The following ARHGEF28 variants were observed in gnomAD, a reference collection of about 807,000 sequenced individuals.
ARHGEF28 encodes 190 kDa guanine nucleotide exchange factor.
In ARHGEF28, 152 loss-of-function variants were observed where a neutral mutation model predicts 206.6. The observed-to-expected ratio is 0.74, with a 90% CI of 0.64 to 0.84. ARHGEF28 has a LOEUF of 0.84. Ranked by LOEUF, ARHGEF28 falls within the 40% of genes least tolerant of loss-of-function variation. The probability of loss-of-function intolerance (pLI) is 0.00; values close to 1 mark genes in which losing one functional copy is unlikely to be tolerated. For missense variants in ARHGEF28, 2,028 were observed against 2,073.2 expected (o/e 0.98, Z 0.42); for synonymous variants, 763 against 776.4 (o/e 0.98, Z 0.29).
intron 9 of ARHGEF28, among the ~76,000 whole-genome samples, chr5:73,821,454 C>T (rs976424179): frequency 6.6e-6 from 1 of 152,158 alleles, no homozygotes; most frequent in African/African-American, 2.4e-5. Context: ...GAGAATAGAG[C>T]TCCTCATGAA....
intron 2 of ARHGEF28, among the ~76,000 whole-genome samples, chr5:73,746,318 CA>C (rs769961694): frequency 6.6e-6 from 1 of 152,020 alleles, no homozygotes; most frequent in Non-Finnish European, 1.5e-5. Flanking sequence ...TGTGGAACAT[CA>C]AACACTTGGT....
intron 10 of ARHGEF28, among the ~76,000 whole-genome samples, chr5:73,833,718 C>G (rs1757438185): frequency 6.6e-6 from 1 of 152,150 alleles, no homozygotes; most frequent in Admixed American, 6.5e-5. Flanking sequence ...TTAATTGACT[C>G]ACACTTCTGC....
At chr5:73,935,324 G>T (rs944953443) in intron 35 of ARHGEF28, among the ~76,000 whole-genome samples, 1 of 152,090 alleles carries the variant, frequency 6.6e-6, no homozygotes, top group Non-Finnish European at 1.5e-5. Flanking sequence ...TGCAGTATTG[G>T]CATATGAAGA....
rs751737590 is a variant in ARHGEF28, at chr5:73,776,539, G to T, written c.683G>T (p.Ser228Ile). Residue 228 changes from serine (S) to isoleucine (I), a missense_variant, in exon 6 of 36, where the codon AGC becomes ATC. Ser to Ile is a moderately radical substitution (Grantham distance 142, BLOSUM62 -2). Transcript: ENST00000513042. ...AGTTTTCAGGGCAGATGGTCCCCAAGCTTCTCCCGAGTGCAGCTCAGTGAA... is the reference window on the plus strand; with the variant it reads ...AGTTTTCAGGGCAGATGGTCCCCAATCTTCTCCCGAGTGCAGCTCAGTGAA... ...VTNFQGRWSP[S>I]FSRVQLSEEA... is the part of the protein sequence containing the mutation. 2.5e-6 allele frequency: 4 copies of T among 1,611,936 alleles called. No individual in the cohort carries two copies. The Admixed American group carries it at 5.0e-5, about 20-fold the overall frequency.
intron 14 of ARHGEF28, among the ~76,000 whole-genome samples, chr5:73,855,458 G>A (rs1334658173): frequency 6.6e-6 from 1 of 152,134 alleles, no homozygotes; most frequent in Non-Finnish European, 1.5e-5. Context: ...TCGGCTGGGC[G>A]TGGTGGCTCA....
In ARHGEF28 at chr5:73,765,837, CA is replaced by C. The variant is rs566553220; in HGVS notation, c.476-8009del. 1.1e-4 allele frequency among the ~76,000 whole-genome samples: 16 copies of C among 151,200 alleles called. No homozygotes were observed. In the East Asian group the frequency reaches 1.2e-3, roughly 11 times the overall value. ...TTAATGAGTTGAATTTAATGTGAAT[CA>C]AAAAAAAATTAGTCTTCTAAAAACG... On this transcript the variant is annotated intron_variant, in intron 4 of 35. Transcript: ENST00000513042.
chr5:73,686,464 G>A (rs150505009), intron 2 of ARHGEF28, among the ~76,000 whole-genome samples: 50 of 151,652 alleles, frequency 3.3e-4, no homozygotes, highest in African/African-American at 1.1e-3. Context: ...GGAGAGAAGA[G>A]ATTTAAATGA....
At chr5:73,768,384 G>A (rs1753029511) in intron 4 of ARHGEF28, among the ~76,000 whole-genome samples, 1 of 152,178 alleles carries the variant, frequency 6.6e-6, no homozygotes, top group African/African-American at 2.4e-5. Flanking sequence ...GCTTTACCCT[G>A]CAAAGCCACA....
chr5:73,753,003 G>C lies in ARHGEF28; in HGVS notation c.276G>C (p.Val92=), dbSNP rs1479454924. ...VTMGSGSVTY[V]DNMACRLARL... ...TGGGCTCTGGCTCAGTGACCTACGT[G>C]GACAACATGGCTTGCAGGCTGGCTC... The change falls in exon 4 of 36, where the codon GTG becomes GTC. Residue 92 remains valine (V), a synonymous_variant. Coordinates refer to ENST00000513042, the MANE Select transcript of ARHGEF28 (RefSeq NM_001177693.2). 1.2e-6 allele frequency: 2 copies of C among 1,613,322 alleles called. No homozygotes were observed. Among genetic ancestry groups the C allele is most frequent in the Non-Finnish European group, 1.7e-6 (2 of 1,179,682 alleles).
chr5:73,807,113 G>A (rs80160405), intron 9 of ARHGEF28, among the ~76,000 whole-genome samples: 8,061 of 150,382 alleles, frequency 0.054, 295 homozygotes, highest in African/African-American at 0.096. Context: ...AAGTCCGTGG[G>A]TTCTTCCTAA....
chr5:73,865,580 T>C (rs919001109), intron 17 of ARHGEF28, among the ~76,000 whole-genome samples: 8 of 152,140 alleles, frequency 5.3e-5, no homozygotes, highest in Non-Finnish European at 4.4e-5. Flanking sequence ...ATTTCAGTGC[T>C]ACAGGTGGTT....
At chr5:73,835,605 A>C (rs1052634905) in intron 10 of ARHGEF28, among the ~76,000 whole-genome samples, 1 of 152,154 alleles carries the variant, frequency 6.6e-6, no homozygotes, top group Non-Finnish European at 1.5e-5. Flanking sequence ...TGCCCTAAGC[A>C]TCTCTTCCAT....
intron 1 of ARHGEF28, among the ~76,000 whole-genome samples, chr5:73,656,079 C>G (rs1021521667): frequency 1.3e-5 from 2 of 152,222 alleles, no homozygotes; most frequent in African/African-American, 4.8e-5. Context: ...AAGGCAGCAC[C>G]TGCTGTTCCA....
chr5:73,927,849 T>C (rs752940821), intron 35 of ARHGEF28, among the ~76,000 whole-genome samples: 31 of 152,242 alleles, frequency 2.0e-4, no homozygotes, highest in Non-Finnish European at 2.9e-4. Context: ...TATTCATATC[T>C]GCACTAAACG....
At chr5:73,933,799 A>G (rs1012800790) in intron 35 of ARHGEF28, among the ~76,000 whole-genome samples, 2 of 152,148 alleles carry the variant, frequency 1.3e-5, no homozygotes, top group African/African-American at 4.8e-5. Context: ...TCTAAAAGAT[A>G]AGGACTCTTT....
At chr5:73,644,637 C>G (rs764583578) in intron 1 of ARHGEF28, among the ~76,000 whole-genome samples, 5 of 152,244 alleles carry the variant, frequency 3.3e-5, no homozygotes, top group Non-Finnish European at 5.9e-5. Context: ...TACACTGCTG[C>G]CTGATTTTCT....
intron 16 of ARHGEF28, among the ~76,000 whole-genome samples, chr5:73,862,438 A>G (rs1759455550): frequency 6.6e-6 from 1 of 152,182 alleles, no homozygotes; most frequent in Admixed American, 6.5e-5. Flanking sequence ...ATGTTGTTTT[A>G]TAACAGGGTT....
intron 2 of ARHGEF28, among the ~76,000 whole-genome samples, chr5:73,702,784 G>T (rs1249215505): frequency 6.6e-6 from 1 of 152,216 alleles, no homozygotes; most frequent in African/African-American, 2.4e-5. Flanking sequence ...TATTTGAAAT[G>T]ATTATGTAGC....
At chr5:73,787,514 T>C (rs1222182954) in intron 7 of ARHGEF28, among the ~76,000 whole-genome samples, 1 of 152,160 alleles carries the variant, frequency 6.6e-6, no homozygotes, top group African/African-American at 2.4e-5. Flanking sequence ...ATTAGGTATT[T>C]CTTCTAATGC....
Sources: allele counts gnomAD v4.1 joint callset (sites outside exome capture counted in the v4.1 genomes callset), GRCh38; gene constraint gnomAD v4.1.1; transcripts MANE v1.5; gene names NCBI Gene and HGNC (gene_info 2026-07-23, HGNC 2026-07-21).